Variants in SULT1C2 observed in about 807,000 individuals in gnomAD.
SULT1C2 encodes the protein sulfotransferase family 1C member 2.
A neutral mutation model predicts 36.0 loss-of-function variants in SULT1C2; 27 were observed. That is an observed-to-expected ratio of 0.75 (90% CI 0.55 to 1.03). SULT1C2 has a LOEUF of 1.03. Among genes scored for constraint, SULT1C2 ranks in the 50% least tolerant of loss-of-function variants. The probability of loss-of-function intolerance (pLI) is 0.00; values close to 1 mark genes in which losing one functional copy is unlikely to be tolerated. For missense variants in SULT1C2, 395 were observed against 359.2 expected, an observed-to-expected ratio of 1.10 and a Z score of -0.80; for synonymous variants, 121 against 116.0, an observed-to-expected ratio of 1.04 and a Z score of -0.27.
intron 4 of SULT1C2, 85 bp from the exon 5 acceptor site, chr2:108,304,489 C>T: frequency 2.0e-6 from 3 of 1,474,454 alleles, no homozygotes; most frequent in Middle Eastern, 1.8e-4. Context: ...TGCACAGCAA[C>T]CCTCAGGATG....
At chr2:108,296,793 G>A (rs1255167842) in intron 3 of SULT1C2, among the ~76,000 whole-genome samples, 1 of 152,214 alleles carries the variant, frequency 6.6e-6, no homozygotes, top group Non-Finnish European at 1.5e-5. Context: ...CAGTTGAGGT[G>A]AGGAGCATCA....
intron 3 of SULT1C2, among the ~76,000 whole-genome samples, chr2:108,296,430 G>A (rs961691385): frequency 2.7e-5 from 4 of 149,782 alleles, no homozygotes; most frequent in African/African-American, 1.0e-4. Flanking sequence ...GCTGGCTGGA[G>A]ACTCAGCTGT....
intron 6 of SULT1C2, 55 bp from the exon 7 acceptor site, chr2:108,305,360 A>G (rs948824746): frequency 6.2e-7 from 1 of 1,609,098 alleles, no homozygotes; most frequent in African/African-American, 1.3e-5. Flanking sequence ...AGAGAATTGT[A>G]GTATTTCTTT....
At chr2:108,308,299 A>C in intron 7 of SULT1C2, 53 bp from the exon 8 acceptor site, 1 of 1,525,082 alleles carries the variant, frequency 6.6e-7, no homozygotes, top group South Asian at 1.3e-5. Flanking sequence ...TTACTCAGGG[A>C]CACCACATCT....
intron 1 of SULT1C2, among the ~76,000 whole-genome samples, chr2:108,293,256 C>T (rs1001128909): frequency 9.5e-5 from 14 of 146,746 alleles, no homozygotes; most frequent in African/African-American, 3.5e-4. Flanking sequence ...TCACATGCTA[C>T]AACACGGATG....
At chr2:108,297,974 G>C (rs1676777814) in intron 3 of SULT1C2, among the ~76,000 whole-genome samples, 1 of 152,108 alleles carries the variant, frequency 6.6e-6, no homozygotes, top group Non-Finnish European at 1.5e-5. Flanking sequence ...TAGAAGACTG[G>C]GTCTCTTTTA....
chr2:108,304,330 A>G (rs1387045102), intron 4 of SULT1C2: 2 of 369,500 alleles, frequency 5.4e-6, no homozygotes, highest in Non-Finnish European at 9.7e-6. Context: ...CAATCAGGCA[A>G]TCTAATCCTC....
At chr2:108,298,709 T>A (rs1043641171) in intron 3 of SULT1C2, 6 of 362,028 alleles carry the variant, frequency 1.7e-5, no homozygotes, top group Non-Finnish European at 3.2e-5. Context: ...ACATAGTTAT[T>A]TATATTCTCT....
intron 3 of SULT1C2, among the ~76,000 whole-genome samples, chr2:108,294,979 G>C (rs527765373): frequency 5.9e-5 from 9 of 152,206 alleles, no homozygotes; most frequent in Admixed American, 4.6e-4. Context: ...TAGGAGGAAG[G>C]CCTACTTCCC....
Position 108,299,555 on chromosome 2 carries a change from G to C in SULT1C2, c.278-1283G>C, listed in dbSNP as rs568433140. On this transcript the variant is annotated intron_variant, in intron 3 of 7. Transcript: ENST00000251481. ...GAAGGTCAGAGTGTGAGCTGGCGTAGAGGTGGAGCTGAGAAAAGAGACTAG... is the reference window on the plus strand; with the variant it reads ...GAAGGTCAGAGTGTGAGCTGGCGTACAGGTGGAGCTGAGAAAAGAGACTAG... 2.6e-5 allele frequency: 4 copies of C among 152,644 alleles called. No homozygotes were observed. The South Asian group carries it at 8.3e-4, about 32-fold the overall frequency. 9.5% of individuals were successfully genotyped at this position (152,644 alleles called of 1,614,324 possible).
rs1676971225 is a variant in SULT1C2 at position 108,304,576 on chromosome 2, C to A, written c.378C>A (p.Phe126Leu). The A allele has an allele frequency of 1.2e-6, 2 of 1,601,174 alleles. No homozygotes were observed. Among genetic ancestry groups the A allele is most frequent in the Admixed American group, 1.8e-5 (1 of 56,358 alleles). ...CCACCTCTTTTCTTACCCCAAAGTTCCTTTATGTAGCTCGAAATGCCAAAG... is the reference window on the plus strand; with the variant it reads ...CCACCTCTTTTCTTACCCCAAAGTTACTTTATGTAGCTCGAAATGCCAAAG... ...PPSFWENNCKFLYVARNAKDC... is the reference protein window; with the variant it reads ...PPSFWENNCKLLYVARNAKDC... The change falls in exon 5 of 8, where the codon TTC (phenylalanine) becomes TTA (leucine). Residue 126 changes from phenylalanine to leucine, a missense_variant and splice_region_variant. Physicochemically the swap from Phe to Leu is conservative, Grantham distance 22 (BLOSUM62 0). Coordinates refer to ENST00000251481, the MANE Select transcript of SULT1C2 (RefSeq NM_001056.4).
chr2:108,300,568 C>A (rs1676845111), intron 3 of SULT1C2: 2 of 473,762 alleles, frequency 4.2e-6, no homozygotes, highest in African/African-American at 2.0e-5. Context: ...TCTGCCTCAG[C>A]AGGACTTCAC....
At chr2:108,295,298 T>G (rs1676696998) in intron 3 of SULT1C2, among the ~76,000 whole-genome samples, 1 of 152,230 alleles carries the variant, frequency 6.6e-6, no homozygotes, top group African/African-American at 2.4e-5. Flanking sequence ...AAATGGTCAC[T>G]AGGTAGGTAA....
rs66462427 is a variant in SULT1C2, at chr2:108,292,393, AACACACACACACACAC to A, written c.-21-1220_-21-1205del. 2.8e-4 allele frequency among the ~76,000 whole-genome samples: 37 copies of A among 133,456 alleles called. 1 individual carries two copies. Among genetic ancestry groups the A allele is most frequent in the South Asian group, 1.4e-3 (5 of 3,696 alleles). The allele number at this position is 133,456 out of a possible 152,430, so 87.6% of individuals were successfully genotyped here. On this transcript the variant is annotated intron_variant, in intron 1 of 7. Coordinates refer to ENST00000251481, the MANE Select transcript of SULT1C2 (RefSeq NM_001056.4). Reference sequence around the variant, plus strand: ...AGTCTTCCCTCAATACAACAATGACAACACACACACACACACACACACACACACACACACACACACA... The same window carrying A: ...AGTCTTCCCTCAATACAACAATGACAACACACACACACACACACACACACA...
At position 108,289,069 on chromosome 2, in the gene SULT1C2, A is replaced by T. The variant is rs1676529329; in HGVS notation, c.-23A>T. On this transcript the variant is annotated splice_region_variant and 5_prime_UTR_variant, in exon 1 of 8. In the 5' UTR this introduces an upstream ATG that the reference lacks. Transcript: ENST00000251481. ...CTGCTGACTTTCAGCTGGAACTTGA[A>T]GGTAAGAATATGGCTTAAAAGAAAT... is the stretch of plus-strand genomic sequence containing the variant. The T allele has an allele frequency of 6.5e-6, 1 of 152,690 alleles. No individual in the cohort carries two copies. The allele number at this position is 152,690 out of a possible 1,614,324, so 9.5% of individuals were successfully genotyped here.
intron 1 of SULT1C2, among the ~76,000 whole-genome samples, chr2:108,289,506 T>G (rs1676539520): frequency 1.3e-5 from 2 of 152,134 alleles, no homozygotes; most frequent in African/African-American, 4.8e-5. Flanking sequence ...TATAAGCAAG[T>G]AATTGTAGGA....
At chr2:108,303,840 C>T (rs1676949758) in intron 4 of SULT1C2, 1 of 152,144 alleles carries the variant, frequency 6.6e-6, no homozygotes, top group Non-Finnish European at 1.5e-5. Flanking sequence ...TGCCAAATGT[C>T]CCCTAGTGGA....
In SULT1C2 at chr2:108,304,702, T is replaced by C. The variant is rs1676978500; in HGVS notation, c.502+2T>C. On this transcript the variant is annotated splice_donor_variant, in intron 5 of 7. Coordinates refer to ENST00000251481, the MANE Select transcript of SULT1C2 (RefSeq NM_001056.4). LOFTEE classifies it high-confidence loss of function. Reference sequence around the variant, plus strand: ...TTGAAACCTTCATCAATGGAAAAGGTACGGGAACATCCTTCACACCCTTGC... The same window carrying C: ...TTGAAACCTTCATCAATGGAAAAGGCACGGGAACATCCTTCACACCCTTGC... 1 of 1,610,000 alleles carries C rather than the reference T, an allele frequency of 6.2e-7. No individual in the cohort carries two copies. The highest frequency in any genetic ancestry group is 1.7e-5 in the Admixed American group (1 of 59,324).
At chr2:108,301,662 T>C (rs1180127768) in intron 4 of SULT1C2, 1 of 152,300 alleles carries the variant, frequency 6.6e-6, no homozygotes, top group African/African-American at 2.4e-5. Context: ...CTGCCTCTGG[T>C]AGACTCTGAG....
Sources: gnomAD v4.1 joint callset for allele counts (sites outside exome capture counted in the v4.1 genomes callset) on GRCh38, gnomAD v4.1.1 for gene constraint, MANE v1.5 for transcripts, NCBI Gene and HGNC (gene_info 2026-07-23, HGNC 2026-07-21) for gene names.